MTA3: variants seen among roughly 807,000 people sequenced by gnomAD.
The protein encoded by MTA3 is metastasis-associated protein MTA3.
MTA3 carries 34 observed loss-of-function variants against 83.5 expected under a neutral mutation model. The ratio of observed to expected loss-of-function variants is 0.41; its 90% confidence interval spans 0.31 to 0.54. The LOEUF (loss-of-function observed/expected upper bound fraction) is 0.54. MTA3 is among the 20% of genes least tolerant of loss of function. The probability of loss-of-function intolerance (pLI) is 0.33; values close to 1 mark genes in which losing one functional copy is unlikely to be tolerated. For missense variants in MTA3, 761 were observed against 726.4 expected (o/e 1.05, Z -0.55); for synonymous variants, 303 against 252.7 (o/e 1.20, Z -1.89).
At chr2:42,654,501 A>G (rs1216784278) in intron 6 of MTA3, among the ~76,000 whole-genome samples, 1 of 152,216 alleles carries the variant, frequency 6.6e-6, no homozygotes, top group African/African-American at 2.4e-5. Flanking sequence ...ATTGGCTCCC[A>G]ACTTTTCATT....
At chr2:42,598,376 T>A (rs1484691249) in intron 3 of MTA3, among the ~76,000 whole-genome samples, 2 of 152,236 alleles carry the variant, frequency 1.3e-5, no homozygotes, top group African/African-American at 4.8e-5. Flanking sequence ...TCACTACTTC[T>A]ATTTCTAAAT....
At chr2:42,563,776 ATTCCTTCCTTCCTTCCTTCCTTCCTTCC>A (rs374517534), upstream of MTA3, among the ~76,000 whole-genome samples, 3 of 114,378 alleles carry the variant, frequency 2.6e-5, no homozygotes, top group Non-Finnish European at 5.4e-5. Flanking sequence ...TGGACCAAAC[ATTCCTTCCTTCCTTCCTTCCTTCCTTCC>A]TTCCTTCCTT....
chr2:42,716,090 TA>T (rs1667007897), intron 14 of MTA3, among the ~76,000 whole-genome samples: 1 of 152,226 alleles, frequency 6.6e-6, no homozygotes, highest in African/African-American at 2.4e-5. Context: ...ACAAGATGTT[TA>T]TTATATTTCT....
chr2:42,731,871 G>C (rs1201829905), intron 16 of MTA3, among the ~76,000 whole-genome samples: 1 of 152,208 alleles, frequency 6.6e-6, no homozygotes, highest in Non-Finnish European at 1.5e-5. Context: ...CCTAGATACA[G>C]TGGGGGTACA....
chr2:42,718,139 C>G (rs6704953), intron 14 of MTA3, among the ~76,000 whole-genome samples: 94,552 of 141,112 alleles, frequency 0.67, 31,037 homozygotes, highest in South Asian at 0.81. Context: ...TTAACGAGTT[C>G]TTTTGATAGC....
At chr2:42,524,112 T>TGGGGTAGAAA (rs1675555918) in intron 2 of MTA3, among the ~76,000 whole-genome samples, 1 of 152,178 alleles carries the variant, frequency 6.6e-6, no homozygotes, top group South Asian at 2.1e-4. Context: ...TCAGCCAGGC[T>TGGGGTAGAAA]ATGCTGACCC....
chr2:42,573,106 G>A (rs1441947448), intron 2 of MTA3, among the ~76,000 whole-genome samples: 4 of 151,992 alleles, frequency 2.6e-5, no homozygotes, highest in African/African-American at 9.7e-5. Flanking sequence ...GTTTTCCTCC[G>A]ATTTTCTAAT....
chr2:42,529,926 GCCTGTA>G (rs1675879721), intron 2 of MTA3, among the ~76,000 whole-genome samples: 1 of 152,162 alleles, frequency 6.6e-6, no homozygotes, highest in African/African-American at 2.4e-5. Flanking sequence ...GGTGGCTCAC[GCCTGTA>G]ATCCCAGCAC....
chr2:42,643,505 A>T (rs1450864382), intron 5 of MTA3, among the ~76,000 whole-genome samples: 1 of 152,190 alleles, frequency 6.6e-6, no homozygotes, highest in African/African-American at 2.4e-5. Context: ...GTGAGCATGT[A>T]TATAGCTATG....
chr2:42,500,477 A>C (rs1674347771), intron 2 of MTA3, among the ~76,000 whole-genome samples: 1 of 151,972 alleles, frequency 6.6e-6, no homozygotes, highest in Non-Finnish European at 1.5e-5. Flanking sequence ...AGAATCGCTT[A>C]AACCTGGGAG....
At chr2:42,713,268 C>G (rs922931197) in intron 14 of MTA3, among the ~76,000 whole-genome samples, 10 of 152,108 alleles carry the variant, frequency 6.6e-5, no homozygotes, top group African/African-American at 2.2e-4. Flanking sequence ...TTTGAAGAAG[C>G]TAATTTGGCT....
intron 2 of MTA3, among the ~76,000 whole-genome samples, chr2:42,517,208 C>T (rs1463501360): frequency 1.4e-5 from 2 of 148,022 alleles, no homozygotes; most frequent in South Asian, 2.2e-4. Context: ...TGCAGTGAGC[C>T]GACATCATGC....
chr2:42,736,447 T>C (rs541778527), intron 16 of MTA3, among the ~76,000 whole-genome samples: 1 of 152,204 alleles, frequency 6.6e-6, no homozygotes, highest in African/African-American at 2.4e-5. Flanking sequence ...GGCTACCACC[T>C]GTGTTCACTC....
chr2:42,701,695 C>T (rs917336377), intron 11 of MTA3, among the ~76,000 whole-genome samples: 1 of 152,124 alleles, frequency 6.6e-6, no homozygotes, highest in Non-Finnish European at 1.5e-5. Context: ...GTGGGTGGAT[C>T]ACCTGAGGTC....
intron 6 of MTA3, among the ~76,000 whole-genome samples, chr2:42,648,126 C>CCT (rs1418288195): frequency 2.6e-5 from 4 of 152,344 alleles, no homozygotes; most frequent in African/African-American, 9.6e-5. Flanking sequence ...CAGGCATGAG[C>CCT]CTCTGCACCC....
intron 9 of MTA3, among the ~76,000 whole-genome samples, chr2:42,684,887 T>C (rs1692232012): frequency 6.6e-6 from 1 of 152,222 alleles, no homozygotes; most frequent in South Asian, 2.1e-4. Flanking sequence ...AATCAAGAGA[T>C]TGAAATATAC....
At chr2:42,743,184 C>T (rs749569845) in intron 16 of MTA3, among the ~76,000 whole-genome samples, 39 of 152,182 alleles carry the variant, frequency 2.6e-4, no homozygotes, top group Non-Finnish European at 3.4e-4. Flanking sequence ...CCTGTCCTGA[C>T]CCTTAAGAAG....
chr2:42,708,038 C>G lies in MTA3; in HGVS notation c.1286C>G (p.Pro429Arg), dbSNP rs1426583995. 8 of 1,609,162 alleles carry G rather than the reference C, an allele frequency of 5.0e-6. No individual in the cohort carries two copies. The highest frequency in any genetic ancestry group is 1.3e-5 in the African/African-American group (1 of 74,604). Reference sequence around the variant, plus strand: ...CAGTCAGAAGAAGAGAAGTTATCTCCTAGCCCAACTACAGAGGTACAGTAG... The same window carrying G: ...CAGTCAGAAGAAGAGAAGTTATCTCGTAGCCCAACTACAGAGGTACAGTAG... ...PTQSEEEKLS[P>R]SPTTEDPRVR... Residue 429 changes from proline to arginine, a missense_variant, in exon 13 of 17, where the codon CCT (proline) becomes CGT (arginine). Physicochemically the swap from Pro to Arg is moderately radical, Grantham distance 103. Coordinates refer to ENST00000405094, the MANE Select transcript of MTA3 (RefSeq NM_001330442.2).
intron 4 of MTA3, among the ~76,000 whole-genome samples, chr2:42,634,855 A>G (rs1304824311): frequency 2.0e-5 from 3 of 151,874 alleles, no homozygotes; most frequent in Non-Finnish European, 4.4e-5. Context: ...TCTCTTCCCT[A>G]TTCCCTTTGC....
Sources: allele counts gnomAD v4.1 joint callset (sites outside exome capture counted in the v4.1 genomes callset), GRCh38; gene constraint gnomAD v4.1.1; transcripts MANE v1.5; gene names NCBI Gene and HGNC (gene_info 2026-07-23, HGNC 2026-07-21).